FOXP2: variants seen among roughly 807,000 people sequenced by gnomAD.
FOXP2 encodes the protein forkhead box protein P2.
A neutral mutation model predicts 115.8 loss-of-function variants in FOXP2; 12 were observed. The ratio of observed to expected loss-of-function variants is 0.10; its 90% confidence interval spans 0.07 to 0.17. The LOEUF (loss-of-function observed/expected upper bound fraction) is 0.17. Among genes scored for constraint, FOXP2 ranks in the 10% least tolerant of loss-of-function variants. FOXP2 has a pLI of 1.00. For missense variants in FOXP2, 629 were observed against 843.5 expected (o/e 0.75, Z 3.15); for synonymous variants, 328 against 297.7 (o/e 1.10, Z -1.05).
At chr7:114,194,486 CT>C (rs561110071) in intron 1 of FOXP2, among the ~76,000 whole-genome samples, 2 of 150,918 alleles carry the variant, frequency 1.3e-5, no homozygotes, top group Non-Finnish European at 3.0e-5. Flanking sequence ...TTTTGTTTTG[CT>C]TTTGTATATA....
chr7:114,336,858 CA>C (rs201835455), intron 2 of FOXP2, among the ~76,000 whole-genome samples: 1,811 of 151,556 alleles, frequency 0.012, 27 homozygotes, highest in African/African-American at 0.032. Context: ...CCATGCAAAT[CA>C]CTTGCAATTT....
chr7:114,304,646 G>A (rs1796962947), intron 2 of FOXP2, among the ~76,000 whole-genome samples: 1 of 124,160 alleles, frequency 8.1e-6, no homozygotes, highest in African/African-American at 3.0e-5. Context: ...CTCCAGCCTA[G>A]GTGACAGAGT....
At chr7:114,517,045 A>C (rs1408659393) in intron 2 of FOXP2, among the ~76,000 whole-genome samples, 1 of 151,736 alleles carries the variant, frequency 6.6e-6, no homozygotes, top group East Asian at 1.9e-4. Context: ...TATCCATTCT[A>C]ACAGATGTGA....
At chr7:114,684,516 C>T (rs1436816577) in intron 16 of FOXP2, among the ~76,000 whole-genome samples, 1 of 152,154 alleles carries the variant, frequency 6.6e-6, no homozygotes, top group Non-Finnish European at 1.5e-5. Context: ...GACAGTAACT[C>T]AATATCTATT....
chr7:114,261,586 A>G (rs925234000), intron 1 of FOXP2, among the ~76,000 whole-genome samples: 4 of 152,162 alleles, frequency 2.6e-5, no homozygotes, highest in African/African-American at 9.7e-5. Context: ...CTACAGTGTG[A>G]TGTAAAACAA....
chr7:114,161,905 C>T (rs1264264762), upstream of FOXP2, among the ~76,000 whole-genome samples: 1 of 152,042 alleles, frequency 6.6e-6, no homozygotes, highest in African/African-American at 2.4e-5. Flanking sequence ...GCCTCAGCCT[C>T]CTGAGTAGCT....
intron 2 of FOXP2, among the ~76,000 whole-genome samples, chr7:114,519,416 T>A (rs1449307187): frequency 1.3e-5 from 2 of 152,114 alleles, no homozygotes; most frequent in Non-Finnish European, 2.9e-5. Context: ...GACTCCGAAA[T>A]TGAGTTTCTG....
chr7:114,285,857 T>G (rs190157313), intron 1 of FOXP2, among the ~76,000 whole-genome samples: 2 of 152,118 alleles, frequency 1.3e-5, no homozygotes, highest in Admixed American at 1.3e-4. Flanking sequence ...CCAGTATTAA[T>G]TCCTCATTGG....
At chr7:114,346,048 TATA>T (rs1362749298) in intron 2 of FOXP2, among the ~76,000 whole-genome samples, 2 of 151,838 alleles carry the variant, frequency 1.3e-5, no homozygotes, top group African/African-American at 4.8e-5. Context: ...CTCATAGATT[TATA>T]ATAATTTTTT....
intron 3 of FOXP2, among the ~76,000 whole-genome samples, chr7:114,566,745 A>G (rs998688557): frequency 1.2e-4 from 19 of 152,114 alleles, no homozygotes; most frequent in Admixed American, 2.6e-4. Flanking sequence ...TATCCTAAAT[A>G]TTATAAGACA....
At chr7:114,389,379 G>A (rs1196382419) in intron 2 of FOXP2, among the ~76,000 whole-genome samples, 1 of 152,112 alleles carries the variant, frequency 6.6e-6, no homozygotes, top group Non-Finnish European at 1.5e-5. Flanking sequence ...AAGTTACTGG[G>A]GCCTTAAAGA....
chr7:114,651,212 T>C (rs1279185490), intron 8 of FOXP2, among the ~76,000 whole-genome samples: 1 of 152,118 alleles, frequency 6.6e-6, no homozygotes, highest in Non-Finnish European at 1.5e-5. Context: ...AAATTCTTAT[T>C]TAATTTTGTG....
intron 6 of FOXP2, among the ~76,000 whole-genome samples, chr7:114,632,755 A>C: frequency 6.6e-6 from 1 of 152,098 alleles, no homozygotes; most frequent in Non-Finnish European, 1.5e-5. Context: ...ACCTGATTGA[A>C]GCACTCCTAG....
chr7:114,464,632 T>C (rs920839585), intron 2 of FOXP2, among the ~76,000 whole-genome samples: 3 of 152,238 alleles, frequency 2.0e-5, no homozygotes, highest in Admixed American at 2.0e-4. Flanking sequence ...GCTCAGTCTT[T>C]AGTCCTGTTT....
At chr7:114,104,760 C>T (rs1193193136) in intron 1 of FOXP2, among the ~76,000 whole-genome samples, 2 of 151,832 alleles carry the variant, frequency 1.3e-5, no homozygotes, top group Non-Finnish European at 2.9e-5. Flanking sequence ...ACAAACCAAG[C>T]TAAATATAGC....
intron 1 of FOXP2, among the ~76,000 whole-genome samples, chr7:114,180,924 A>G (rs1021464612): frequency 5.9e-5 from 9 of 152,080 alleles, no homozygotes; most frequent in African/African-American, 2.2e-4. Context: ...TTTTTAAAAA[A>G]AAATGAGTAA....
chr7:114,290,942 C>A (rs1243097687), intron 2 of FOXP2, among the ~76,000 whole-genome samples: 4 of 151,992 alleles, frequency 2.6e-5, no homozygotes, highest in African/African-American at 4.8e-5. Context: ...ATTTTATTTT[C>A]CATTATATTC....
intron 2 of FOXP2, among the ~76,000 whole-genome samples, chr7:114,437,131 T>G (rs1397452075): frequency 6.6e-6 from 1 of 152,192 alleles, no homozygotes; most frequent in African/African-American, 2.4e-5. Context: ...CTCATGTGAT[T>G]TTTACTGTTT....
At chr7:114,648,010 G>A (rs1806013486) in intron 8 of FOXP2, among the ~76,000 whole-genome samples, 1 of 151,988 alleles carries the variant, frequency 6.6e-6, no homozygotes, top group African/African-American at 2.4e-5. Context: ...GGGTGTAAAT[G>A]AGTTAAATTT....
Sources: allele counts gnomAD v4.1 joint callset (sites outside exome capture counted in the v4.1 genomes callset), GRCh38; gene constraint gnomAD v4.1.1; transcripts MANE v1.5; gene names NCBI Gene and HGNC (gene_info 2026-07-23, HGNC 2026-07-21).